The following CRYBG1 variants were observed in gnomAD, a reference collection of about 807,000 sequenced individuals.
CRYBG1 encodes crystallin beta-gamma domain containing 1.
Under a neutral mutation model 189.2 loss-of-function variants are expected in CRYBG1, and 139 were observed. That is an observed-to-expected ratio of 0.73 (90% CI 0.64 to 0.85). The LOEUF is 0.85. Ranked by LOEUF, CRYBG1 falls within the 40% of genes least tolerant of loss-of-function variation. The pLI is 0.00. For missense variants in CRYBG1, 2,611 were observed against 2,675.8 expected, an observed-to-expected ratio of 0.98 and a Z score of 0.53; for synonymous variants, 1,023 against 1,017.1, an observed-to-expected ratio of 1.01 and a Z score of -0.11.
chr6:106,465,824 C>T (rs1185736083), intron 2 of CRYBG1, among the ~76,000 whole-genome samples: 1 of 152,156 alleles, frequency 6.6e-6, no homozygotes, highest in Non-Finnish European at 1.5e-5. Flanking sequence ...ACTTAGCCAG[C>T]TTGTCTTTTA....
intron 2 of CRYBG1, among the ~76,000 whole-genome samples, chr6:106,488,923 A>G (rs1562085047): frequency 6.6e-6 from 1 of 152,182 alleles, no homozygotes; most frequent in East Asian, 1.9e-4. Context: ...GTTGTGCTGT[A>G]GTGGCTTAGA....
At position 106,512,328 on chromosome 6, in the gene CRYBG1, G is replaced by A. The variant is rs780857817; in HGVS notation, c.1211G>A (p.Gly404Asp). 2 of 1,608,756 alleles carry A rather than the reference G, an allele frequency of 1.2e-6. No homozygotes were observed. The highest frequency in any genetic ancestry group is 3.4e-5 in the Admixed American group (2 of 59,372). ...ATTACTCCCAGAGCGGAAGATTGCG[G>A]TGACTGGGACGACATGGAGAAGAGG... ...VVITPRAEDCGDWDDMEKRSS... is the reference protein window; with the variant it reads ...VVITPRAEDCDDWDDMEKRSS... Residue 404 changes from glycine to aspartate, a missense_variant, in exon 3 of 22, where the codon GGT becomes GAT. Gly to Asp is a moderately conservative substitution (Grantham distance 94). Around this residue, in one of 3 missense-constraint regions of CRYBG1, gnomAD observed 985 missense variants for 924.4 expected, o/e 1.07. Coordinates refer to ENST00000633556, the MANE Select transcript of CRYBG1 (RefSeq NM_001371242.2).
rs1775028582 is a variant in CRYBG1 at position 106,570,502 on chromosome 6, A to G, written c.*1936A>G. ...GTAGCCCTCATCTCACCCTTCAAAG[A>G]GAGTCAGCTAGCAGATTAGAAACAA... On this transcript the variant is annotated 3_prime_UTR_variant, in exon 22 of 22. Transcript: ENST00000633556. The G allele has an allele frequency of 6.6e-6, 1 of 152,220 alleles. No homozygotes were observed. The allele number at this position is 152,220 out of a possible 1,614,324, so 9.4% of individuals were successfully genotyped here. A position where few individuals can be genotyped will look rare whatever the true frequency, so the allele number is the denominator to read the frequency against.
At chr6:106,477,290 T>A (rs999232113) in intron 2 of CRYBG1, among the ~76,000 whole-genome samples, 1 of 152,190 alleles carries the variant, frequency 6.6e-6, no homozygotes, top group African/African-American at 2.4e-5. Context: ...TAAGGAGGAA[T>A]GTTCTACAGA....
intron 1 of CRYBG1, among the ~76,000 whole-genome samples, chr6:106,426,775 A>G (rs986357843): frequency 1.6e-4 from 24 of 152,184 alleles, no homozygotes; most frequent in African/African-American, 5.3e-4. Context: ...ACCCAAATTT[A>G]TGAACCAGAG....
chr6:106,387,437 C>T (rs559148972), intron 1 of CRYBG1, among the ~76,000 whole-genome samples: 8 of 152,288 alleles, frequency 5.3e-5, no homozygotes, highest in African/African-American at 1.4e-4. Context: ...AAGGACTGTA[C>T]GTCCCTCTAT....
At chr6:106,490,031 G>T (rs1449977655) in intron 2 of CRYBG1, among the ~76,000 whole-genome samples, 2 of 152,212 alleles carry the variant, frequency 1.3e-5, no homozygotes, top group Admixed American at 1.3e-4. Context: ...GTCTTCTACG[G>T]AGAGACTCAT....
At chr6:106,560,590 G>T (rs1488993100) in intron 18 of CRYBG1, among the ~76,000 whole-genome samples, 1 of 152,170 alleles carries the variant, frequency 6.6e-6, no homozygotes, top group Non-Finnish European at 1.5e-5. Flanking sequence ...CTTCAAGAAT[G>T]GAACTTTTTG....
At chr6:106,389,521 C>G (rs954069517) in intron 1 of CRYBG1, among the ~76,000 whole-genome samples, 3 of 152,048 alleles carry the variant, frequency 2.0e-5, no homozygotes, top group Non-Finnish European at 2.9e-5. Context: ...CAAAAATATA[C>G]TATGAAATAA....
intron 2 of CRYBG1, among the ~76,000 whole-genome samples, chr6:106,476,258 G>A (rs1167333190): frequency 4.6e-5 from 7 of 152,178 alleles, no homozygotes; most frequent in Admixed American, 2.6e-4. Context: ...TCACACGGGT[G>A]GGGTGAGCAG....
At chr6:106,531,843 C>T (rs1251967256) in intron 8 of CRYBG1, among the ~76,000 whole-genome samples, 1 of 152,104 alleles carries the variant, frequency 6.6e-6, no homozygotes, top group Non-Finnish European at 1.5e-5. Context: ...CAGAAAACAA[C>T]CTTCCTCTCC....
intron 8 of CRYBG1, among the ~76,000 whole-genome samples, chr6:106,532,390 A>C (rs1197421661): frequency 6.6e-6 from 1 of 152,348 alleles, no homozygotes; most frequent in Non-Finnish European, 1.5e-5. Context: ...ATCCTTTGAC[A>C]TACTTGATTT....
chr6:106,551,918 C>T lies in CRYBG1; in HGVS notation c.5379C>T (p.Thr1793=). ...ATATACTGGATAAAGGATTTTATAC[C>T]AGTTTTGAGGACTGGGGAGGCAAAA... The part of the protein sequence containing the change: ...EQYILDKGFY[T]SFEDWGGKNC... Residue 1793 remains threonine (T), a synonymous_variant, in exon 14 of 22, where the codon ACC becomes ACT. Coordinates refer to ENST00000633556, the MANE Select transcript of CRYBG1 (RefSeq NM_001371242.2). The T allele has an allele frequency of 1.2e-6, 2 of 1,611,042 alleles. No homozygotes were observed. Among genetic ancestry groups the T allele is most frequent in the Non-Finnish European group, 1.7e-6 (2 of 1,177,500 alleles).
At chr6:106,498,109 A>G (rs1449776036) in intron 2 of CRYBG1, among the ~76,000 whole-genome samples, 1 of 152,038 alleles carries the variant, frequency 6.6e-6, no homozygotes, top group African/African-American at 2.4e-5. Flanking sequence ...TTAAAAAAAA[A>G]AAAAAAAAAG....
At chr6:106,369,569 A>G (rs1185943895) in intron 1 of CRYBG1, among the ~76,000 whole-genome samples, 2 of 152,204 alleles carry the variant, frequency 1.3e-5, no homozygotes, top group African/African-American at 4.8e-5. Flanking sequence ...GCATAAGCTC[A>G]TGATAGTCTT....
At chr6:106,502,772 G>A (rs535336002) in intron 2 of CRYBG1, among the ~76,000 whole-genome samples, 38 of 152,108 alleles carry the variant, frequency 2.5e-4, no homozygotes, top group Non-Finnish European at 5.3e-4. Flanking sequence ...AAGTAGTGAA[G>A]GACTATTTAC....
intron 1 of CRYBG1, among the ~76,000 whole-genome samples, chr6:106,416,092 CT>C (rs779946549): frequency 6.6e-6 from 1 of 152,218 alleles, no homozygotes; most frequent in African/African-American, 2.4e-5. Flanking sequence ...GTTCCCTCTG[CT>C]GCCCCCTTTC....
intron 2 of CRYBG1, among the ~76,000 whole-genome samples, chr6:106,473,763 TA>T (rs1489174052): frequency 2.2e-4 from 33 of 152,314 alleles, no homozygotes; most frequent in African/African-American, 7.9e-4. Flanking sequence ...AGGATAAGAG[TA>T]AGTCTTCTTT....
chr6:106,413,115 C>T (rs1367057509), intron 1 of CRYBG1, among the ~76,000 whole-genome samples: 1 of 152,112 alleles, frequency 6.6e-6, no homozygotes, highest in Non-Finnish European at 1.5e-5. Context: ...CATGAAGTGG[C>T]CTCCTCAACT....
Sources: allele counts gnomAD v4.1 joint callset (sites outside exome capture counted in the v4.1 genomes callset), GRCh38; gene constraint gnomAD v4.1.1; regional missense constraint gnomAD v4.1.1; transcripts MANE v1.5; gene names NCBI Gene and HGNC (gene_info 2026-07-23, HGNC 2026-07-21).